Variants in TPCN2 observed in about 807,000 individuals in gnomAD.
TPCN2 encodes the protein two pore channel protein 2.
A neutral mutation model predicts 111.4 loss-of-function variants in TPCN2; 92 were observed. The observed-to-expected ratio is 0.83, with a 90% CI of 0.70 to 0.98. The LOEUF is 0.98. Ranked by LOEUF, TPCN2 falls within the 50% of genes least tolerant of loss-of-function variation. The probability of loss-of-function intolerance (pLI) is 0.00; values close to 1 mark genes in which losing one functional copy is unlikely to be tolerated. For synonymous variants in TPCN2, 405 were observed against 414.5 expected, an observed-to-expected ratio of 0.98 and a Z score of 0.28; for missense variants, 995 against 980.1, an observed-to-expected ratio of 1.02 and a Z score of -0.20.
chr11:69,072,873 C>T, intron 12 of TPCN2, 42 bp from the exon 13 acceptor site: 1 of 1,559,942 alleles, frequency 6.4e-7, no homozygotes, highest in Non-Finnish European at 8.8e-7. Context: ...GGGCGCTCAC[C>T]TTCCCGTGCG....
chr11:69,079,805 C>T (rs201712795), intron 16 of TPCN2, 29 bp from the exon 17 acceptor site: 43 of 1,610,054 alleles, frequency 2.7e-5, no homozygotes, highest in Middle Eastern at 1.6e-4. Flanking sequence ...GTTGCTGTAG[C>T]GAAGCCTTCT....
chr11:69,067,452 C>T lies in TPCN2; in HGVS notation c.727-51C>T, dbSNP rs775878259. 5 of 1,544,764 alleles carry T rather than the reference C, an allele frequency of 3.2e-6. No homozygotes were observed. The South Asian group carries it at 4.5e-5, about 14-fold the overall frequency. On this transcript the variant is annotated intron_variant, in intron 7 of 24. Transcript: ENST00000294309. ...TTGGGTCCGGGGCCTGGAGCTCAGC[C>T]TGTGGGGTGGGGACCCAGTGGTGCC...
rs566680086 is a variant in TPCN2 at position 69,054,861 on chromosome 11, C to G, written c.251+64C>G. ...GCTTGCGTGGCAGGGGAGGCTGGCCCCCACCTGGGGATCACCTGGTCTCAG... is the reference window on the plus strand; with the variant it reads ...GCTTGCGTGGCAGGGGAGGCTGGCCGCCACCTGGGGATCACCTGGTCTCAG... On this transcript the variant is annotated intron_variant, in intron 3 of 24. Transcript: ENST00000294309. 3.3e-4 allele frequency: 502 copies of G among 1,536,020 alleles called. 4 individuals are homozygous for G. The Admixed American group carries it at 7.9e-3, about 24-fold the overall frequency.
At position 69,055,951 on chromosome 11, in the gene TPCN2, C is replaced by T. The variant is rs1854745116; in HGVS notation, c.429+599C>T. On this transcript the variant is annotated intron_variant, in intron 4 of 24. Transcript: ENST00000294309. ...GGGTTTCTTATGCACACAGCAGCTG[C>T]TGCATGTTTGACTCTGGGTTCTGCC... Among the ~76,000 whole-genome samples, 4 of 152,236 alleles carry T rather than the reference C, an allele frequency of 2.6e-5. No homozygotes were observed. In the South Asian group the frequency reaches 8.3e-4, roughly 31 times the overall value.
chr11:69,070,528 A>G (rs1855475374), intron 9 of TPCN2, 33 bp downstream of exon 9: 2 of 1,548,812 alleles, frequency 1.3e-6, no homozygotes, highest in Non-Finnish European at 1.8e-6. Context: ...GCATTTTGTG[A>G]CAGGATCCCG....
intron 2 of TPCN2, 150 bp from the exon 3 acceptor site, chr11:69,054,571 T>C (rs1198923683): frequency 1.8e-5 from 13 of 704,874 alleles, no homozygotes; most frequent in Non-Finnish European, 3.0e-5. Flanking sequence ...GTGGGCCTGA[T>C]GGGTCAGGGC....
intron 5 of TPCN2, among the ~76,000 whole-genome samples, chr11:69,061,251 C>T (rs777628408): frequency 3.9e-5 from 6 of 152,226 alleles, no homozygotes; most frequent in East Asian, 1.9e-4. Flanking sequence ...CTGAGCCGGC[C>T]GGCTGGGCAG....
At chr11:69,072,143 C>T (rs548692396) in intron 11 of TPCN2, 120 bp downstream of exon 11, 45 of 792,496 alleles carry the variant, frequency 5.7e-5, no homozygotes, top group African/African-American at 4.7e-4. Context: ...TGCTGGCTGG[C>T]ACCCGACTCA....
intron 7 of TPCN2, among the ~76,000 whole-genome samples, chr11:69,064,899 G>A (rs917771425): frequency 6.6e-6 from 1 of 151,950 alleles, no homozygotes; most frequent in Non-Finnish European, 1.5e-5. Flanking sequence ...GTGTGCATGT[G>A]TAGTGTCTGT....
rs1383903722 is a variant in TPCN2 at position 69,071,870 on chromosome 11, G to T, written c.961-53G>T. On this transcript the variant is annotated intron_variant, in intron 10 of 24. Transcript: ENST00000294309. ...TCCCCAGGGGAGGGAAGGGTCGGGG[G>T]TTCTGAGCTGGGGGAGGGCTGATCC... is the stretch of plus-strand genomic sequence containing the variant. 6 of 1,549,752 alleles carry T rather than the reference G, an allele frequency of 3.9e-6. No homozygotes were observed. The Admixed American group carries it at 6.7e-5, about 17-fold the overall frequency.
chr11:69,066,429 G>A (rs1280285566), intron 7 of TPCN2, among the ~76,000 whole-genome samples: 1 of 152,198 alleles, frequency 6.6e-6, no homozygotes, highest in African/African-American at 2.4e-5. Context: ...TCCTCTCAGT[G>A]GCCCCTGTGC....
rs1372169153 is a variant in TPCN2, at chr11:69,063,941, G to A, written c.700G>A (p.Gly234Arg). 3.7e-6 allele frequency: 6 copies of A among 1,613,994 alleles called. No individual in the cohort carries two copies. Among genetic ancestry groups the A allele is most frequent in the South Asian group, 1.1e-5 (1 of 91,074 alleles). The change falls in exon 7 of 25, where the codon GGA becomes AGA. Residue 234 changes from glycine to arginine, a missense_variant. Coordinates refer to ENST00000294309, the MANE Select transcript of TPCN2 (RefSeq NM_139075.4). Reference sequence around the variant, plus strand: ...CCACCTGTGCCTCTTCACCATGTTCGGAATGCTGCTGTTCGCTGGTGGGAA... The same window carrying A: ...CCACCTGTGCCTCTTCACCATGTTCAGAATGCTGCTGTTCGCTGGTGGGAA... ...AIHLCLFTMF[G>R]MLLFAGGKQD...
At chr11:69,050,867 C>T (rs891167356) in intron 1 of TPCN2, among the ~76,000 whole-genome samples, 1 of 152,214 alleles carries the variant, frequency 6.6e-6, no homozygotes, top group African/African-American at 2.4e-5. Flanking sequence ...GTGAGACCCG[C>T]TCTGCTGGGC....
intron 12 of TPCN2, 84 bp downstream of exon 12, chr11:69,072,792 G>A: frequency 3.8e-6 from 6 of 1,559,342 alleles, no homozygotes; most frequent in Non-Finnish European, 5.3e-6. Flanking sequence ...GACTAGGGGT[G>A]TGGCTTCAGG....
chr11:69,072,866 C>A (rs766882542), intron 12 of TPCN2, 49 bp from the exon 13 acceptor site: 1 of 1,552,556 alleles, frequency 6.4e-7, no homozygotes, highest in African/African-American at 1.4e-5. Flanking sequence ...CCTTCGAGGG[C>A]GCTCACCTTC....
In TPCN2 at chr11:69,087,117, C is replaced by A; in HGVS notation, c.2091C>A (p.Phe697Leu). 6.2e-7 allele frequency: 1 copy of A among 1,613,788 alleles called. No individual in the cohort carries two copies. Among genetic ancestry groups the A allele is most frequent in the Non-Finnish European group, 8.5e-7 (1 of 1,179,784 alleles). The change falls in exon 24 of 25, where the codon TTC (phenylalanine) becomes TTA (leucine). Residue 697 changes from phenylalanine (F) to leucine (L), a missense_variant. Transcript: ENST00000294309. ...NLFLALILEN[F>L]LHKWDPRSHL... is the part of the protein sequence containing the mutation. The stretch of plus-strand genomic sequence containing the variant: ...CCACTCCTCCTGCTTGCCAGAACTT[C>A]CTTCACAAGTGGGACCCCCGCAGCC...
chr11:69,084,817 G>T, intron 19 of TPCN2: 1 of 984,954 alleles, frequency 1.0e-6, no homozygotes, highest in Non-Finnish European at 1.2e-6. Flanking sequence ...CCCCTAACTT[G>T]CACAGCAGAG....
At position 69,088,366 on chromosome 11, in the gene TPCN2, G is replaced by A. The variant is rs1020407856; in HGVS notation, c.*413G>A. ...AACCGTCAGACTTCCGGGGCATTCA[G>A]GTGGGGATGCTGGTGGTTTGACATG... On this transcript the variant is annotated 3_prime_UTR_variant, in exon 25 of 25. Transcript: ENST00000294309. 5.7e-6 allele frequency: 1 copy of A among 175,990 alleles called. No individual in the cohort carries two copies. Among genetic ancestry groups the A allele is most frequent in the Admixed American group, 5.8e-5 (1 of 17,314 alleles). 10.9% of individuals were successfully genotyped at this position (175,990 alleles called of 1,614,324 possible).
intron 17 of TPCN2, among the ~76,000 whole-genome samples, chr11:69,080,117 A>G (rs1855943506): frequency 6.6e-6 from 1 of 152,150 alleles, no homozygotes; most frequent in African/African-American, 2.4e-5. Context: ...CTGTGGAGGG[A>G]AGCCGTTGTT....
Sources: allele counts gnomAD v4.1 joint callset (sites outside exome capture counted in the v4.1 genomes callset), GRCh38; gene constraint gnomAD v4.1.1; transcripts MANE v1.5; gene names NCBI Gene and HGNC (gene_info 2026-07-23, HGNC 2026-07-21).